ITPR2: variants seen among roughly 807,000 people sequenced by gnomAD.
ITPR2 encodes inositol 1,4,5-trisphosphate-gated calcium channel ITPR2.
Under a neutral mutation model 317.1 loss-of-function variants are expected in ITPR2, and 207 were observed. That is an observed-to-expected ratio of 0.65 (90% CI 0.58 to 0.73). The LOEUF (loss-of-function observed/expected upper bound fraction) is 0.73, where lower values mean the gene tolerates loss of function less well. ITPR2 is among the 30% of genes least tolerant of loss of function. The probability of loss-of-function intolerance (pLI) is 0.00; values close to 1 mark genes in which losing one functional copy is unlikely to be tolerated. For missense variants in ITPR2, 2,613 were observed against 3,284.0 expected (o/e 0.80, Z 4.99); for synonymous variants, 1,156 against 1,149.1 (o/e 1.01, Z -0.12).
At chr12:26,346,969 C>T (rs150560344) in intron 55 of ITPR2, among the ~76,000 whole-genome samples, 1 of 152,172 alleles carries the variant, frequency 6.6e-6, no homozygotes, top group East Asian at 1.9e-4. Flanking sequence ...CAAACAGAAA[C>T]ACGGCATTTT....
chr12:26,488,213 A>T (rs1187021300), intron 39 of ITPR2, among the ~76,000 whole-genome samples: 1 of 152,194 alleles, frequency 6.6e-6, no homozygotes, highest in Non-Finnish European at 1.5e-5. Context: ...AAATTAATAA[A>T]GATAATAACT....
chr12:26,804,914 T>C (rs1950616451), intron 1 of ITPR2, among the ~76,000 whole-genome samples: 2 of 152,032 alleles, frequency 1.3e-5, no homozygotes, highest in Admixed American at 1.3e-4. Context: ...TTTGTATTTT[T>C]AGTAGAGACG....
At chr12:26,508,955 T>G (rs1346674389) in intron 37 of ITPR2, among the ~76,000 whole-genome samples, 4 of 152,348 alleles carry the variant, frequency 2.6e-5, no homozygotes, top group Middle Eastern at 3.4e-3. Context: ...ATGTTCATTG[T>G]GGCATGATCC....
intron 41 of ITPR2, 68 bp from the exon 42 acceptor site, chr12:26,483,966 C>T: frequency 1.5e-6 from 2 of 1,302,352 alleles, no homozygotes; most frequent in Admixed American, 1.9e-5. Flanking sequence ...TGCTGTTCTT[C>T]CCATATGTGT....
intron 39 of ITPR2, among the ~76,000 whole-genome samples, chr12:26,493,139 G>T (rs1288919742): frequency 6.6e-6 from 1 of 152,078 alleles, no homozygotes; most frequent in Non-Finnish European, 1.5e-5. Flanking sequence ...AGCATCATGA[G>T]AATTTTAAAC....
At chr12:26,630,534 A>T (rs1946726024) in intron 22 of ITPR2, 2 of 152,214 alleles carry the variant, frequency 1.3e-5, no homozygotes. Flanking sequence ...GAGTAGGGCT[A>T]CAAAGAAATT....
At chr12:26,772,561 T>TTATATATATAATACATGTATTA (rs1592114592) in intron 2 of ITPR2, among the ~76,000 whole-genome samples, 1 of 139,408 alleles carries the variant, frequency 7.2e-6, no homozygotes, top group Non-Finnish European at 1.5e-5. Context: ...AATACATGTA[T>TTATATATATAATACATGTATTA]TATATATATA....
At chr12:26,737,653 C>T (rs73294375) in intron 2 of ITPR2, among the ~76,000 whole-genome samples, 5,796 of 152,246 alleles carry the variant, frequency 0.038, 202 homozygotes, top group African/African-American at 0.097. Flanking sequence ...ACCTCACCTG[C>T]TTCAGCTGTA....
intron 52 of ITPR2, chr12:26,406,669 G>A (rs1940364456): frequency 6.6e-6 from 1 of 152,000 alleles, no homozygotes; most frequent in Admixed American, 6.6e-5. Flanking sequence ...GCACACTAGG[G>A]TTTGCAAGTT....
chr12:26,461,687 TATATAC>T (rs1334962105), intron 45 of ITPR2, among the ~76,000 whole-genome samples: 5 of 86,144 alleles, frequency 5.8e-5, no homozygotes, highest in African/African-American at 1.2e-4. Context: ...CATACATATA[TATATAC>T]ACACACACAC....
intron 45 of ITPR2, among the ~76,000 whole-genome samples, chr12:26,450,043 C>T (rs1384854343): frequency 6.6e-6 from 1 of 152,026 alleles, no homozygotes; most frequent in Admixed American, 6.6e-5. Context: ...AAGGAGAATG[C>T]CATGTAATGA....
At chr12:26,515,487 AT>A (rs1041983487) in intron 37 of ITPR2, among the ~76,000 whole-genome samples, 2 of 152,166 alleles carry the variant, frequency 1.3e-5, no homozygotes, top group Admixed American at 1.3e-4. Flanking sequence ...TGAATTTAGT[AT>A]CATTATACTG....
chr12:26,787,292 G>A (rs1950272019), intron 2 of ITPR2, among the ~76,000 whole-genome samples: 1 of 152,190 alleles, frequency 6.6e-6, no homozygotes, highest in Admixed American at 6.5e-5. Flanking sequence ...ATTGTAGTAA[G>A]ATAAATGATT....
chr12:26,346,354 G>A lies in ITPR2; in HGVS notation c.7858-6026C>T, dbSNP rs1177695049. 2.0e-5 allele frequency among the ~76,000 whole-genome samples: 3 copies of A among 152,234 alleles called. No individual in the cohort carries two copies. The East Asian group carries it at 5.8e-4, about 29-fold the overall frequency. On this transcript the variant is annotated intron_variant, in intron 55 of 56. Coordinates refer to ENST00000381340, the MANE Select transcript of ITPR2 (RefSeq NM_002223.4). ...TCAGCTGCGCTGGGCCAGGCACGGT[G>A]GCTCATGCCTATAATCCCAGCACTT...
chr12:26,468,673 T>A lies in ITPR2; in HGVS notation c.6342+6623A>T, dbSNP rs149664032. On this transcript the variant is annotated intron_variant, in intron 45 of 56. Coordinates refer to ENST00000381340, the MANE Select transcript of ITPR2 (RefSeq NM_002223.4). Reference sequence around the variant, plus strand: ...TGGTAATGATAGTAACAGAAAAATATCTTTATTCAGTTTTTTAAATTATAA... The same window carrying A: ...TGGTAATGATAGTAACAGAAAAATAACTTTATTCAGTTTTTTAAATTATAA... Among the ~76,000 whole-genome samples the A allele has an allele frequency of 9.4e-3, 1,431 of 152,060 alleles. 12 individuals are homozygous for A. Among genetic ancestry groups the A allele is most frequent in the Non-Finnish European group, 0.015 (1,020 of 67,962 alleles).
rs61662145 is a variant in ITPR2, at chr12:26,831,687, TATATATTCTACATAAAATATATAA to T, written c.92+979_92+1002del. 1.3e-4 allele frequency among the ~76,000 whole-genome samples: 18 copies of T among 139,522 alleles called. 1 individual carries two copies. Among genetic ancestry groups the T allele is most frequent in the East Asian group, 4.3e-4 (2 of 4,676 alleles). The allele number at this position is 139,522 out of a possible 152,430, so 91.5% of individuals were successfully genotyped here. A position where few individuals can be genotyped will look rare whatever the true frequency, so the allele number is the denominator to read the frequency against. ...ACACTGTTTTATATATAAATATATA[TATATATTCTACATAAAATATATAA>T]ATATATATTCTACATAAAATATATA... On this transcript the variant is annotated intron_variant, in intron 1 of 56. Transcript: ENST00000381340. The surrounding 1 kb of genome is among the most constrained non-coding windows in gnomAD (Gnocchi z 4.9).
intron 9 of ITPR2, among the ~76,000 whole-genome samples, chr12:26,696,719 C>A (rs186319837): frequency 1.5e-4 from 23 of 152,266 alleles, no homozygotes; most frequent in Admixed American, 1.3e-3. Flanking sequence ...TGGCAAACTT[C>A]AACGTCTCTT....
intron 45 of ITPR2, among the ~76,000 whole-genome samples, chr12:26,457,009 G>A (rs1018614444): frequency 1.3e-5 from 2 of 152,120 alleles, no homozygotes; most frequent in African/African-American, 4.8e-5. Flanking sequence ...AACCTCTGAT[G>A]TATACCAAAT....
chr12:26,391,996 G>A (rs1334417902), intron 54 of ITPR2, among the ~76,000 whole-genome samples: 1 of 152,114 alleles, frequency 6.6e-6, no homozygotes, highest in Non-Finnish European at 1.5e-5. Context: ...GGCAGTGGAG[G>A]GGGAAATGTA....
Sources: gnomAD v4.1 joint callset for allele counts (sites outside exome capture counted in the v4.1 genomes callset) on GRCh38, gnomAD v4.1.1 for gene constraint, Gnocchi (gnomAD v3.1) non-coding constraint, MANE v1.5 for transcripts, NCBI Gene and HGNC (gene_info 2026-07-23, HGNC 2026-07-21) for gene names.